Variants in NRG1 observed in about 807,000 individuals in gnomAD.
NRG1 encodes the protein pro-neuregulin-1, membrane-bound isoform.
NRG1 carries 18 observed loss-of-function variants against 63.8 expected under a neutral mutation model. That is an observed-to-expected ratio of 0.28 (90% CI 0.19 to 0.42). NRG1 has a LOEUF of 0.42. NRG1 is among the 10% of genes least tolerant of loss of function. The pLI, the probability that NRG1 is intolerant of heterozygous loss-of-function variation, is 1.00. For synonymous variants in NRG1, 302 were observed against 301.3 expected (o/e 1.00, Z -0.02); for missense variants, 762 against 814.7 (o/e 0.94, Z 0.79).
At chr8:32,695,122 G>A (rs1002310775) in intron 5 of NRG1, among the ~76,000 whole-genome samples, 4 of 152,152 alleles carry the variant, frequency 2.6e-5, no homozygotes, top group Non-Finnish European at 4.4e-5. Flanking sequence ...TTGGGAGGTC[G>A]AGGAATGAGA....
At chr8:32,154,965 T>C (rs149942392) in intron 1 of NRG1, among the ~76,000 whole-genome samples, 1 of 152,188 alleles carries the variant, frequency 6.6e-6, no homozygotes, top group Non-Finnish European at 1.5e-5. Context: ...CAGGGAATTG[T>C]TATAATTGTT....
At chr8:32,656,215 A>G (rs544373497) in intron 5 of NRG1, among the ~76,000 whole-genome samples, 3 of 152,294 alleles carry the variant, frequency 2.0e-5, no homozygotes, top group South Asian at 4.1e-4. Context: ...TAAAATGAGC[A>G]GATAAAAATA....
At chr8:31,780,025 C>A (rs1445899664) in intron 1 of NRG1, among the ~76,000 whole-genome samples, 1 of 152,192 alleles carries the variant, frequency 6.6e-6, no homozygotes, top group African/African-American at 2.4e-5. Flanking sequence ...ACACCTGAGG[C>A]TCTCTGATAC....
chr8:31,998,092 G>T (rs557280009), intron 1 of NRG1, among the ~76,000 whole-genome samples: 3 of 151,962 alleles, frequency 2.0e-5, no homozygotes, highest in Non-Finnish European at 4.4e-5. Flanking sequence ...TATCACTTAT[G>T]GCAATAAGAA....
Position 32,138,273 on chromosome 8 carries a change from G to A in NRG1, c.38-457555G>A, listed in dbSNP as rs184942992. Among the ~76,000 whole-genome samples the A allele has an allele frequency of 6.6e-5, 10 of 152,048 alleles. No homozygotes were observed. The East Asian group carries it at 9.7e-4, about 15-fold the overall frequency. ...ATAGAATATATCATTGTTTCACTGC[G>A]GACAGAATGTCTGTGCTCTCTATGA... On this transcript the variant is annotated intron_variant, in intron 1 of 10. Transcript: ENST00000519301.
At chr8:32,002,688 GTTACTA>G (rs954016333) in intron 1 of NRG1, among the ~76,000 whole-genome samples, 6 of 152,042 alleles carry the variant, frequency 3.9e-5, no homozygotes, top group African/African-American at 1.2e-4. Context: ...AAGTGTGATT[GTTACTA>G]TTGGGGTGCC....
intron 7 of NRG1, among the ~76,000 whole-genome samples, chr8:32,745,598 A>G (rs1244274975): frequency 6.6e-6 from 1 of 152,174 alleles, no homozygotes; most frequent in African/African-American, 2.4e-5. Flanking sequence ...AAGGTTAGTC[A>G]GCTTCAAATT....
chr8:32,495,095 G>A (rs1490682051), intron 1 of NRG1, among the ~76,000 whole-genome samples: 3 of 152,108 alleles, frequency 2.0e-5, no homozygotes, highest in South Asian at 2.1e-4. Context: ...GACTTAGTGG[G>A]TAATACTAAT....
At chr8:32,502,972 T>A (rs1828042049) in intron 1 of NRG1, among the ~76,000 whole-genome samples, 1 of 152,074 alleles carries the variant, frequency 6.6e-6, no homozygotes, top group African/African-American at 2.4e-5. Flanking sequence ...TCCAAATACC[T>A]TTAGTCTCTG....
chr8:32,088,244 C>G (rs909349379), intron 1 of NRG1, among the ~76,000 whole-genome samples: 9 of 152,208 alleles, frequency 5.9e-5, no homozygotes, highest in Non-Finnish European at 1.3e-4. Context: ...ATATCTTCCT[C>G]ACTTCCTCAT....
chr8:32,457,275 C>T (rs1821718592), intron 1 of NRG1, among the ~76,000 whole-genome samples: 1 of 152,202 alleles, frequency 6.6e-6, no homozygotes, highest in South Asian at 2.1e-4. Context: ...TCTACTTTGT[C>T]AGATACTGTT....
intron 1 of NRG1, among the ~76,000 whole-genome samples, chr8:32,085,387 A>G (rs188579325): frequency 2.0e-5 from 3 of 152,314 alleles, no homozygotes; most frequent in East Asian, 1.9e-4. Flanking sequence ...TGACTATTTT[A>G]GTTACCTCAC....
At chr8:32,682,214 T>C (rs1808841146) in intron 5 of NRG1, among the ~76,000 whole-genome samples, 2 of 152,172 alleles carry the variant, frequency 1.3e-5, no homozygotes, top group Non-Finnish European at 2.9e-5. Flanking sequence ...TATGATGCTA[T>C]TTTTATAGTT....
chr8:31,658,344 T>A (rs1346679994), intron 1 of NRG1, among the ~76,000 whole-genome samples: 1 of 152,204 alleles, frequency 6.6e-6, no homozygotes, highest in African/African-American at 2.4e-5. Flanking sequence ...GGGAACTCCA[T>A]GTTTCTAAAC....
intron 1 of NRG1, among the ~76,000 whole-genome samples, chr8:31,791,101 G>A (rs1011182303): frequency 5.3e-5 from 8 of 151,748 alleles, no homozygotes; most frequent in South Asian, 2.1e-4. Context: ...CCCAGCTACC[G>A]GGAAGGCTGA....
intron 1 of NRG1, among the ~76,000 whole-genome samples, chr8:31,870,748 T>G (rs926199847): frequency 9.2e-5 from 14 of 151,996 alleles, no homozygotes; most frequent in Admixed American, 3.9e-4. Flanking sequence ...ATTTATTTAT[T>G]TTTTTTAGTG....
chr8:32,404,231 G>C (rs1297392128), intron 1 of NRG1, among the ~76,000 whole-genome samples: 1 of 152,114 alleles, frequency 6.6e-6, no homozygotes, highest in Non-Finnish European at 1.5e-5. Flanking sequence ...CAGCTGCAGT[G>C]GTACCCACAA....
At position 31,799,908 on chromosome 8, in the gene NRG1, G is replaced by A. The variant is rs561442003; in HGVS notation, c.37+160477G>A. Among the ~76,000 whole-genome samples, 11 of 152,206 alleles carry A rather than the reference G, an allele frequency of 7.2e-5. 1 individual carries two copies. The highest frequency in any genetic ancestry group is 2.6e-4 in the Admixed American group (4 of 15,274). Reference sequence around the variant, plus strand: ...AACCAATCAAGGAAGAGGTCAATCTGAATAAGATAATATTTGTAAAGTTCT... The same window carrying A: ...AACCAATCAAGGAAGAGGTCAATCTAAATAAGATAATATTTGTAAAGTTCT... On this transcript the variant is annotated intron_variant, in intron 1 of 10. Coordinates refer to the NRG1 transcript ENST00000519301.
intron 1 of NRG1, among the ~76,000 whole-genome samples, chr8:31,749,138 T>A (rs1816191354): frequency 6.6e-6 from 1 of 151,782 alleles, no homozygotes; most frequent in Non-Finnish European, 1.5e-5. Flanking sequence ...TAAGTTTAAA[T>A]GCTAAGAAAA....
Sources: allele counts gnomAD v4.1 joint callset (sites outside exome capture counted in the v4.1 genomes callset), GRCh38; gene constraint gnomAD v4.1.1; transcripts MANE v1.5; gene names NCBI Gene and HGNC (gene_info 2026-07-23, HGNC 2026-07-21).